The following CADM2 variants were observed in gnomAD, a reference collection of about 807,000 sequenced individuals.
The protein encoded by CADM2 is cell adhesion molecule 2.
In CADM2, 12 loss-of-function variants were observed where a neutral mutation model predicts 49.8. The observed-to-expected ratio is 0.24, with a 90% CI of 0.15 to 0.39. CADM2 has a LOEUF of 0.39. Ranked by LOEUF, CADM2 falls within the 10% of genes least tolerant of loss-of-function variation. The pLI is 1.00. For missense variants in CADM2, 378 were observed against 492.3 expected (o/e 0.77, Z 2.20); for synonymous variants, 214 against 175.4 (o/e 1.22, Z -1.74).
At chr3:85,704,630 C>T (rs2066881524) in intron 1 of CADM2, among the ~76,000 whole-genome samples, 1 of 151,936 alleles carries the variant, frequency 6.6e-6, no homozygotes, top group Non-Finnish European at 1.5e-5. Context: ...AAGTTTCCAC[C>T]TCCTAACATC....
At chr3:85,798,211 CT>C (rs2071746089) in intron 2 of CADM2, among the ~76,000 whole-genome samples, 1 of 151,906 alleles carries the variant, frequency 6.6e-6, no homozygotes, top group Non-Finnish European at 1.5e-5. Context: ...TCTCCCATTC[CT>C]TAGGTTGCCT....
intron 1 of CADM2, among the ~76,000 whole-genome samples, chr3:85,092,740 TCCA>T (rs1290983467): frequency 1.3e-5 from 2 of 152,066 alleles, no homozygotes; most frequent in African/African-American, 4.8e-5. Context: ...TCTTTTCTCT[TCCA>T]CCACCGCCAC....
At chr3:85,708,946 A>C (rs1430311292) in intron 1 of CADM2, among the ~76,000 whole-genome samples, 1 of 152,022 alleles carries the variant, frequency 6.6e-6, no homozygotes. Flanking sequence ...AAAAAAAAAA[A>C]CCACAGCCCT....
chr3:85,041,268 T>G (rs1016441884), intron 1 of CADM2, among the ~76,000 whole-genome samples: 21 of 152,180 alleles, frequency 1.4e-4, no homozygotes, highest in Non-Finnish European at 2.9e-5. Flanking sequence ...TGCTTCCTCT[T>G]TAATCTCTAA....
At chr3:85,101,466 G>A (rs369931620) in intron 1 of CADM2, among the ~76,000 whole-genome samples, 2 of 152,062 alleles carry the variant, frequency 1.3e-5, no homozygotes, top group African/African-American at 4.8e-5. Flanking sequence ...TTAAAATGTG[G>A]TATGTTGTAT....
intron 1 of CADM2, among the ~76,000 whole-genome samples, chr3:85,144,856 G>T (rs892879027): frequency 1.3e-5 from 2 of 152,076 alleles, no homozygotes; most frequent in African/African-American, 2.4e-5. Flanking sequence ...CAATGTTTTT[G>T]AAAGACATAA....
chr3:86,004,546 G>A (rs1248006022), intron 8 of CADM2, among the ~76,000 whole-genome samples: 2 of 152,110 alleles, frequency 1.3e-5, no homozygotes, highest in African/African-American at 4.8e-5. Flanking sequence ...TGAATATTAC[G>A]CCTCATCAAG....
intron 1 of CADM2, among the ~76,000 whole-genome samples, chr3:85,094,231 C>A (rs1052110371): frequency 1.6e-4 from 24 of 151,960 alleles, no homozygotes; most frequent in African/African-American, 5.8e-4. Context: ...TAAATAAATT[C>A]CTCCTAGGAA....
At chr3:85,522,640 C>T (rs2061051963) in intron 1 of CADM2, among the ~76,000 whole-genome samples, 1 of 151,770 alleles carries the variant, frequency 6.6e-6, no homozygotes, top group African/African-American at 2.4e-5. Flanking sequence ...TTTTTGGATC[C>T]CATTCTGTTT....
At chr3:85,931,278 A>G (rs1330778453) in intron 6 of CADM2, among the ~76,000 whole-genome samples, 1 of 152,022 alleles carries the variant, frequency 6.6e-6, no homozygotes, top group Non-Finnish European at 1.5e-5. Flanking sequence ...AGAGAGAGCA[A>G]GAGAAAGAAA....
At chr3:85,449,849 G>A (rs1285689959) in intron 1 of CADM2, among the ~76,000 whole-genome samples, 1 of 152,122 alleles carries the variant, frequency 6.6e-6, no homozygotes, top group African/African-American at 2.4e-5. Flanking sequence ...TCTCAGTGAG[G>A]TAGTAGTGAC....
chr3:85,830,914 T>C (rs1279464549), intron 3 of CADM2, among the ~76,000 whole-genome samples: 1 of 151,512 alleles, frequency 6.6e-6, no homozygotes, highest in South Asian at 2.1e-4. Flanking sequence ...CTGCTCAGGC[T>C]TGGTTTACAA....
intron 1 of CADM2, among the ~76,000 whole-genome samples, chr3:85,571,021 G>C (rs1488200753): frequency 6.6e-6 from 1 of 152,160 alleles, no homozygotes; most frequent in Non-Finnish European, 1.5e-5. Flanking sequence ...ATGCAAAACT[G>C]ATGGTGAAGT....
At chr3:85,979,246 C>G (rs775927928) in intron 8 of CADM2, 5 of 1,610,820 alleles carry the variant, frequency 3.1e-6, no homozygotes, top group Non-Finnish European at 3.4e-6. Context: ...CCATAACAAC[C>G]AGCCCAACCA....
At chr3:85,466,943 C>T (rs2038521937) in intron 1 of CADM2, among the ~76,000 whole-genome samples, 1 of 151,998 alleles carries the variant, frequency 6.6e-6, no homozygotes, top group Admixed American at 6.6e-5. Flanking sequence ...AGAGAATTGG[C>T]CTCCTGTAGC....
rs979588140 is a variant in CADM2, at chr3:86,072,984, G to A, written c.*6201G>A. 3.3e-5 allele frequency: 5 copies of A among 151,820 alleles called. No individual in the cohort carries two copies. The highest frequency in any genetic ancestry group is 7.3e-5 in the African/African-American group (3 of 41,340). The allele number at this position is 151,820 out of a possible 1,614,324, so 9.4% of individuals were successfully genotyped here. A position where few individuals can be genotyped will look rare whatever the true frequency, so the allele number is the denominator to read the frequency against. ...CTGTACTTATTGTAGATTCAATGAC[G>A]CAGTTAAGTCATCACCCAAGGATTT... On this transcript the variant is annotated 3_prime_UTR_variant, in exon 10 of 10. Coordinates refer to ENST00000383699, the MANE Select transcript of CADM2 (RefSeq NM_001167675.2).
intron 1 of CADM2, among the ~76,000 whole-genome samples, chr3:85,242,468 G>T (rs2107838587): frequency 6.6e-6 from 1 of 151,594 alleles, no homozygotes; most frequent in African/African-American, 2.4e-5. Context: ...ACTGCTTCAA[G>T]TCTACTGACC....
At chr3:85,405,247 A>G (rs2035314277) in intron 1 of CADM2, among the ~76,000 whole-genome samples, 1 of 152,186 alleles carries the variant, frequency 6.6e-6, no homozygotes, top group Non-Finnish European at 1.5e-5. Context: ...TGTATCCTAG[A>G]ACAGTTTTGA....
At chr3:85,058,038 A>G (rs753841294) in intron 1 of CADM2, among the ~76,000 whole-genome samples, 6 of 152,220 alleles carry the variant, frequency 3.9e-5, no homozygotes, top group East Asian at 1.9e-4. Context: ...AAATTGGTGT[A>G]GCAAACATTT....
Sources: allele counts gnomAD v4.1 joint callset (sites outside exome capture counted in the v4.1 genomes callset), GRCh38; gene constraint gnomAD v4.1.1; transcripts MANE v1.5; gene names NCBI Gene and HGNC (gene_info 2026-07-23, HGNC 2026-07-21).